Variants in COL6A6 observed in about 807,000 individuals in gnomAD.
COL6A6 encodes collagen alpha-6(VI) chain.
A neutral mutation model predicts 208.6 loss-of-function variants in COL6A6; 183 were observed. The ratio of observed to expected loss-of-function variants is 0.88; its 90% CI spans 0.78 to 0.99. The LOEUF (loss-of-function observed/expected upper bound fraction) is 0.99. Ranked by LOEUF, COL6A6 falls within the 50% of genes least tolerant of loss-of-function variation. The pLI, the probability that COL6A6 is intolerant of heterozygous loss-of-function variation, is 0.00. For synonymous variants in COL6A6, 973 were observed against 1,011.8 expected (o/e 0.96, Z 0.73); for missense variants, 2,816 against 2,815.2 (o/e 1.00, Z -0.01).
At chr3:130,527,678 TA>T in intron 1 of COL6A6, among the ~76,000 whole-genome samples, 1 of 152,346 alleles carries the variant, frequency 6.6e-6, no homozygotes, top group Non-Finnish European at 1.5e-5. Flanking sequence ...GAACAGCTGG[TA>T]AAATTGGATC....
chr3:130,594,929 A>G (rs2063811528), intron 18 of COL6A6, among the ~76,000 whole-genome samples: 2 of 152,192 alleles, frequency 1.3e-5, no homozygotes, highest in South Asian at 4.1e-4. Flanking sequence ...CAAGAACAGT[A>G]TGGGGGAAAC....
intron 8 of COL6A6, among the ~76,000 whole-genome samples, chr3:130,576,899 A>C (rs10512776): frequency 0.021 from 3,166 of 152,294 alleles, 85 homozygotes; most frequent in East Asian, 0.07. Flanking sequence ...ACTGGACTTA[A>C]GGCCTGAACA....
At chr3:130,537,447 T>C (rs1380434728) in intron 1 of COL6A6, among the ~76,000 whole-genome samples, 1 of 152,248 alleles carries the variant, frequency 6.6e-6, no homozygotes, top group Non-Finnish European at 1.5e-5. Flanking sequence ...AGGGATCTTA[T>C]GAGTTTCTCT....
chr3:130,608,659 C>CAT (rs1007182009), intron 21 of COL6A6, among the ~76,000 whole-genome samples: 3 of 149,910 alleles, frequency 2.0e-5, no homozygotes, highest in Admixed American at 6.7e-5. Flanking sequence ...TGCATGCATG[C>CAT]ATATATATAA....
rs1159157756 is a variant in COL6A6, at chr3:130,675,360, G to A, written c.6755G>A (p.Gly2252Glu). ...MRSTSHTFKN[G>E]RMIESAPKQH... ...AGCACCTCCCATACCTTTAAGAATG[G>A]AAGGATGATAGAAAGTGCTCCCAAA... Residue 2252 changes from glycine (G) to glutamate (E), a missense_variant, in exon 37 of 37, where the codon GGA becomes GAA. Transcript: ENST00000358511. 5 of 1,596,240 alleles carry A rather than the reference G, an allele frequency of 3.1e-6. No homozygotes were observed. Among genetic ancestry groups the A allele is most frequent in the Non-Finnish European group, 4.3e-6 (5 of 1,171,422 alleles).
At chr3:130,650,785 A>T (rs77351630) in intron 33 of COL6A6, among the ~76,000 whole-genome samples, 1,985 of 152,298 alleles carry the variant, frequency 0.013, 29 homozygotes, top group Non-Finnish European at 0.017. Flanking sequence ...GCAGTAGGAA[A>T]CTTTAGGTTT....
rs377003663 is a variant in COL6A6 at position 130,563,487 on chromosome 3, A to G, written c.484A>G (p.Ile162Val). The change falls in exon 3 of 37, where the codon ATC becomes GTC. Residue 162 changes from isoleucine (I) to valine (V), a missense_variant. Ile to Val is a conservative substitution (Grantham distance 29, BLOSUM62 3). Transcript: ENST00000358511. ...CCTGCGGAAAGACGGAGTGAAAATC[A>G]TCTCTGTAGGGGTGCAGAAAGCTTC... is the stretch of plus-strand genomic sequence containing the variant. Reference protein sequence around the residue: ...KALRKDGVKIISVGVQKASEE... With the variant: ...KALRKDGVKIVSVGVQKASEE... The G allele has an allele frequency of 2.5e-6, 4 of 1,613,988 alleles. No homozygotes were observed. The highest frequency in any genetic ancestry group is 1.7e-6 in the Non-Finnish European group (2 of 1,179,874).
At chr3:130,668,981 G>A (rs561709662) in intron 36 of COL6A6, among the ~76,000 whole-genome samples, 1 of 152,324 alleles carries the variant, frequency 6.6e-6, no homozygotes, top group African/African-American at 2.4e-5. Context: ...AATCAAGGTG[G>A]AGTGTTTATA....
chr3:130,573,733 A>C (rs2063222100), intron 7 of COL6A6, among the ~76,000 whole-genome samples: 1 of 151,294 alleles, frequency 6.6e-6, no homozygotes, highest in African/African-American at 2.4e-5. Flanking sequence ...CACCCAACTA[A>C]TTTTTTTAAT....
chr3:130,665,186 C>T (rs1230078394), intron 36 of COL6A6, 90 bp downstream of exon 36: 2 of 806,504 alleles, frequency 2.5e-6, no homozygotes, highest in East Asian at 2.9e-5. Flanking sequence ...TTTTCTTCCT[C>T]CTCCATCTTA....
chr3:130,518,734 G>C (rs1399464564), intron 1 of COL6A6, among the ~76,000 whole-genome samples: 2 of 152,132 alleles, frequency 1.3e-5, no homozygotes, highest in East Asian at 3.9e-4. Context: ...TCGAACTCCT[G>C]ACCTTAGGTG....
chr3:130,561,696 A>G (rs529274372), intron 2 of COL6A6, among the ~76,000 whole-genome samples: 1 of 130,160 alleles, frequency 7.7e-6, no homozygotes, highest in East Asian at 2.3e-4. Flanking sequence ...CCCAGGCCAG[A>G]CTGCGGACTG....
chr3:130,539,613 A>G (rs932687696), intron 1 of COL6A6, among the ~76,000 whole-genome samples: 5 of 148,000 alleles, frequency 3.4e-5, no homozygotes, highest in Non-Finnish European at 7.5e-5. Context: ...CGCCTGGACA[A>G]CAGAGCGAGA....
At chr3:130,666,317 ATG>A (rs1287599634) in intron 36 of COL6A6, among the ~76,000 whole-genome samples, 2 of 152,206 alleles carry the variant, frequency 1.3e-5, no homozygotes, top group Non-Finnish European at 2.9e-5. Flanking sequence ...GTATCCTTGT[ATG>A]TGGTAGTAGT....
chr3:130,586,606 G>A lies in COL6A6; in HGVS notation c.4071G>A (p.Arg1357=). The A allele has an allele frequency of 6.2e-7, 1 of 1,613,918 alleles. No individual in the cohort carries two copies. Among genetic ancestry groups the A allele is most frequent in the Non-Finnish European group, 8.5e-7 (1 of 1,179,848 alleles). Residue 1357 remains arginine (R), a synonymous_variant, in exon 11 of 37, where the codon AGG becomes AGA. Coordinates refer to ENST00000358511, the MANE Select transcript of COL6A6 (RefSeq NM_001102608.3). ...AATTTGGGAAAGGATTTGAGTACAG[G>A]ACACAGCTCTCTATTGGCATGAGAG... The part of the protein sequence containing the change: ...YIEFGKGFEY[R]TQLSIGMREL...
rs1473843152 is a variant in COL6A6 at position 130,581,815 on chromosome 3, A to G, written c.3802A>G (p.Ile1268Val). 1 of 1,613,154 alleles carries G rather than the reference A, an allele frequency of 6.2e-7. No individual in the cohort carries two copies. The highest frequency in any genetic ancestry group is 8.5e-7 in the Non-Finnish European group (1 of 1,179,034). ...SENILNSLKD[I>V]TVKGPSLLNA... ...AAACATACTGAATAGCTTGAAGGATATAACAGTTAAAGGACCATCTCTTCT... is the reference window on the plus strand; with the variant it reads ...AAACATACTGAATAGCTTGAAGGATGTAACAGTTAAAGGACCATCTCTTCT... Residue 1268 changes from isoleucine to valine, a missense_variant, in exon 9 of 37, where the codon ATA becomes GTA. Transcript: ENST00000358511.
chr3:130,581,254 A>C (rs1269806219), intron 8 of COL6A6, among the ~76,000 whole-genome samples: 1 of 152,162 alleles, frequency 6.6e-6, no homozygotes, highest in African/African-American at 2.4e-5. Flanking sequence ...ACATTTCCAC[A>C]GTGTACTTTA....
intron 27 of COL6A6, 93 bp downstream of exon 27, chr3:130,634,718 T>A (rs2065059724): frequency 1.1e-6 from 1 of 877,198 alleles, no homozygotes; most frequent in Admixed American, 2.6e-5. Context: ...CAGTTAATGA[T>A]AAATAAATGT....
rs375368589 is a variant in COL6A6, at chr3:130,563,660, A to T, written c.657A>T (p.Val219=). 2 of 1,599,320 alleles carry T rather than the reference A, an allele frequency of 1.3e-6. No individual in the cohort carries two copies. The highest frequency in any genetic ancestry group is 1.7e-6 in the Non-Finnish European group (2 of 1,167,714). Residue 219 remains valine (V), a synonymous_variant, in exon 3 of 37, where the codon GTA becomes GTT. Transcript: ENST00000358511. ...AGGGAGCAGTTGATGACATCTTTGT[A>T]GAAGGTGGGCTTAGGATATGTGTAT... ...YKEGAVDDIF[V]EACQGPSMAD...
Sources: gnomAD v4.1 joint callset for allele counts (sites outside exome capture counted in the v4.1 genomes callset) on GRCh38, gnomAD v4.1.1 for gene constraint, MANE v1.5 for transcripts, NCBI Gene and HGNC (gene_info 2026-07-23, HGNC 2026-07-21) for gene names.